Variants in PCDHGA10 observed in about 807,000 individuals in gnomAD.
PCDHGA10 encodes protocadherin gamma subfamily A, 10, also known as protocadherin gamma-A10.
PCDHGA10 carries 42 observed loss-of-function variants against 59.5 expected under a neutral mutation model. That is an observed-to-expected ratio of 0.71 (90% CI 0.55 to 0.91). PCDHGA10 has a LOEUF of 0.91. Ranked by LOEUF, PCDHGA10 falls within the 40% of genes least tolerant of loss-of-function variation. PCDHGA10 has a pLI of 0.00. For missense variants in PCDHGA10, 1,111 were observed against 1,198.2 expected (o/e 0.93, Z 1.07); for synonymous variants, 511 against 517.2 (o/e 0.99, Z 0.16).
At chr5:141,495,480 C>A (rs2099761689) in intron 2 of PCDHGA10, among the ~76,000 whole-genome samples, 1 of 152,208 alleles carries the variant, frequency 6.6e-6, no homozygotes, top group African/African-American at 2.4e-5. Flanking sequence ...CGTGTCTCTG[C>A]CCCTTTTTCT....
At position 141,486,426 on chromosome 5, in the gene PCDHGA10, A is replaced by T; in HGVS notation, c.2437-8381A>T. 6.2e-7 allele frequency: 1 copy of T among 1,614,190 alleles called. No homozygotes were observed. The highest frequency in any genetic ancestry group is 8.5e-7 in the Non-Finnish European group (1 of 1,180,026). ...GCTGGACCCTTGGATCGAGAGGCCA[A>T]ATCTAGCTATGACATCATGGTCACT... On this transcript the variant is annotated intron_variant, in intron 1 of 3. Coordinates refer to ENST00000398610, the MANE Select transcript of PCDHGA10 (RefSeq NM_018913.3). This position sits in a 1 kb window ranked among gnomAD's most constrained non-coding sequence, Gnocchi z 5.0.
intron 1 of PCDHGA10, chr5:141,428,122 G>A: frequency 6.2e-7 from 1 of 1,606,172 alleles, no homozygotes; most frequent in Non-Finnish European, 8.5e-7. Context: ...ATCGAGCCCG[G>A]GCTTTTCAGC....
chr5:141,480,065 A>G (rs2099511928), intron 1 of PCDHGA10, among the ~76,000 whole-genome samples: 1 of 152,220 alleles, frequency 6.6e-6, no homozygotes, highest in Non-Finnish European at 1.5e-5. Flanking sequence ...TAAGTGTTTT[A>G]TAAGATTCAT....
At chr5:141,447,027 T>TG (rs563674341) in intron 1 of PCDHGA10, among the ~76,000 whole-genome samples, 103 of 152,252 alleles carry the variant, frequency 6.8e-4, no homozygotes, top group South Asian at 2.3e-3. Flanking sequence ...TGTTTTGTTT[T>TG]TTTTCTGTGT....
chr5:141,420,269 A>C, intron 1 of PCDHGA10: 1 of 1,544,558 alleles, frequency 6.5e-7, no homozygotes, highest in Non-Finnish European at 8.8e-7. Flanking sequence ...GAAGATTCTT[A>C]AACAGGTAAG....
In PCDHGA10 at chr5:141,414,476, C is replaced by T. The variant is rs1242647918; in HGVS notation, c.1301C>T (p.Pro434Leu). Residue 434 changes from proline to leucine, a missense_variant, in exon 1 of 4, where the codon CCT becomes CTT. By Grantham distance (98) the Pro-to-Leu change is moderately conservative (BLOSUM62 -3). Coordinates refer to ENST00000398610, the MANE Select transcript of PCDHGA10 (RefSeq NM_018913.3). Reference sequence around the variant, plus strand: ...GTGACAGCCACAGATGGGGGAAGTCCTCCTCTATCAACGGAAGCTCACTTT... The same window carrying T: ...GTGACAGCCACAGATGGGGGAAGTCTTCCTCTATCAACGGAAGCTCACTTT... Reference protein sequence around the residue: ...ITVTATDGGSPPLSTEAHFML... With the variant: ...ITVTATDGGSLPLSTEAHFML... The T allele has an allele frequency of 6.2e-7, 1 of 1,613,802 alleles. No individual in the cohort carries two copies. The highest frequency in any genetic ancestry group is 1.3e-5 in the African/African-American group (1 of 74,920).
chr5:141,490,288 G>A lies in PCDHGA10; in HGVS notation c.2437-4519G>A. On this transcript the variant is annotated intron_variant, in intron 1 of 3. Coordinates refer to ENST00000398610, the MANE Select transcript of PCDHGA10 (RefSeq NM_018913.3). The surrounding 1 kb of genome is among the most constrained non-coding windows in gnomAD (Gnocchi z 5.4). ...GGATGTCAATGACAATGCCCCAGAG[G>A]TGCTATTGGCCTCTTTGGCCAACCC... The A allele has an allele frequency of 3.7e-6, 6 of 1,614,198 alleles. No individual in the cohort carries two copies. The highest frequency in any genetic ancestry group is 5.1e-6 in the Non-Finnish European group (6 of 1,180,042).
At chr5:141,425,363 A>C (rs2096870488) in intron 1 of PCDHGA10, among the ~76,000 whole-genome samples, 1 of 152,212 alleles carries the variant, frequency 6.6e-6, no homozygotes, top group Non-Finnish European at 1.5e-5. Context: ...TGATATTAAG[A>C]GGGTTATGTT....
chr5:141,422,655 C>T (rs188587553), intron 1 of PCDHGA10: 2 of 1,610,120 alleles, frequency 1.2e-6, no homozygotes, highest in Admixed American at 3.3e-5. Flanking sequence ...TCTCAGTGAC[C>T]GCCCTCGACC....
intron 1 of PCDHGA10, among the ~76,000 whole-genome samples, chr5:141,451,395 A>G (rs2098715118): frequency 6.6e-6 from 1 of 152,184 alleles, no homozygotes; most frequent in Admixed American, 6.6e-5. Context: ...AGTTAATGGC[A>G]AAATTAAGTT....
intron 1 of PCDHGA10, among the ~76,000 whole-genome samples, chr5:141,488,236 T>A (rs1333427955): frequency 6.6e-6 from 1 of 152,154 alleles, no homozygotes; most frequent in Admixed American, 6.5e-5. Context: ...TTGAACTAGA[T>A]GCGGTAAATT....
chr5:141,491,379 A>G lies in PCDHGA10; in HGVS notation c.2437-3428A>G, dbSNP rs140150079. 423 of 1,613,968 alleles carry G rather than the reference A, an allele frequency of 2.6e-4. No homozygotes were observed. Among genetic ancestry groups the G allele is most frequent in the Non-Finnish European group, 3.0e-4 (359 of 1,179,986 alleles). On this transcript the variant is annotated intron_variant, in intron 1 of 3. Transcript: ENST00000398610. The surrounding 1 kb of genome is among the most constrained non-coding windows in gnomAD (Gnocchi z 6.9). ...CCCTAGTCACCTTCACCTTTCTGTC[A>G]GCGAAGTGCCTTCAGGGAAACGCAG...
intron 3 of PCDHGA10, among the ~76,000 whole-genome samples, chr5:141,505,999 G>A (rs891447053): frequency 1.3e-5 from 2 of 152,172 alleles, no homozygotes; most frequent in African/African-American, 4.8e-5. Flanking sequence ...TTTATGCGAG[G>A]CTCCTCTTTT....
intron 2 of PCDHGA10, among the ~76,000 whole-genome samples, chr5:141,501,049 A>G (rs1458722311): frequency 1.3e-5 from 2 of 151,844 alleles, no homozygotes; most frequent in African/African-American, 2.4e-5. Flanking sequence ...TTGTATTTTT[A>G]GTAGAGACGG....
intron 2 of PCDHGA10, among the ~76,000 whole-genome samples, chr5:141,498,828 G>C (rs2099786098): frequency 6.6e-6 from 1 of 152,092 alleles, no homozygotes; most frequent in Non-Finnish European, 1.5e-5. Flanking sequence ...AGCTACTCAG[G>C]AGGCTGAGGC....
At chr5:141,483,534 G>C (rs754118568) in intron 1 of PCDHGA10, among the ~76,000 whole-genome samples, 1 of 152,102 alleles carries the variant, frequency 6.6e-6, no homozygotes, top group Non-Finnish European at 1.5e-5. Flanking sequence ...AAGGAAGCTG[G>C]GTGGTTGACA....
chr5:141,459,699 A>G (rs2098973201), intron 1 of PCDHGA10, among the ~76,000 whole-genome samples: 1 of 152,218 alleles, frequency 6.6e-6, no homozygotes, highest in Non-Finnish European at 1.5e-5. Flanking sequence ...TCCGCTTGCT[A>G]CATTTTCTCA....
At position 141,413,714 on chromosome 5, in the gene PCDHGA10, A is replaced by T; in HGVS notation, c.539A>T (p.Lys180Met). 6.2e-7 allele frequency: 1 copy of T among 1,613,586 alleles called. No individual in the cohort carries two copies. The highest frequency in any genetic ancestry group is 8.5e-7 in the Non-Finnish European group (1 of 1,179,882). The stretch of plus-strand genomic sequence containing the variant: ...CAGAGCTATCAGCTCAGCCCCAATA[A>T]GCACTTCTCCCTAAGAGTTCAGAGC... ...SLQSYQLSPN[K>M]HFSLRVQSRA... Residue 180 changes from lysine to methionine, a missense_variant, in exon 1 of 4, where the codon AAG (lysine) becomes ATG (methionine). Lys to Met is a moderately conservative substitution (Grantham distance 95). Coordinates refer to ENST00000398610, the MANE Select transcript of PCDHGA10 (RefSeq NM_018913.3).
At chr5:141,478,804 G>C (rs765938054) in intron 1 of PCDHGA10, 48 of 1,462,396 alleles carry the variant, frequency 3.3e-5, no homozygotes, top group Non-Finnish European at 4.1e-5. Context: ...GCACTCTTTT[G>C]CTATCACAAC....
Sources: gnomAD v4.1 joint callset for allele counts (sites outside exome capture counted in the v4.1 genomes callset) on GRCh38, gnomAD v4.1.1 for gene constraint, Gnocchi (gnomAD v3.1) non-coding constraint, MANE v1.5 for transcripts, NCBI Gene and HGNC (gene_info 2026-07-23, HGNC 2026-07-21) for gene names.